Variants in MIA2 observed in about 807,000 individuals in gnomAD.
The protein encoded by MIA2 is melanoma inhibitory activity protein 2.
A neutral mutation model predicts 167.8 loss-of-function variants in MIA2; 127 were observed. The observed-to-expected ratio is 0.76, with a 90% CI of 0.66 to 0.88. MIA2 has a LOEUF of 0.88. Ranked by LOEUF, MIA2 falls within the 40% of genes least tolerant of loss-of-function variation. The pLI is 0.00. For missense variants in MIA2, 1,690 were observed against 1,624.7 expected (o/e 1.04, Z -0.69); for synonymous variants, 552 against 541.9 (o/e 1.02, Z -0.26).
At chr14:39,235,180 C>T (rs544595988) in intron 1 of MIA2, among the ~76,000 whole-genome samples, 3 of 151,888 alleles carry the variant, frequency 2.0e-5, no homozygotes, top group South Asian at 2.1e-4. Context: ...GGATTATAGG[C>T]GCACGCCACC....
intron 1 of MIA2, among the ~76,000 whole-genome samples, chr14:39,235,198 G>C (rs1406165828): frequency 6.6e-6 from 1 of 151,910 alleles, no homozygotes; most frequent in Non-Finnish European, 1.5e-5. Context: ...ACCACACCTG[G>C]TTAATTTTTT....
intron 6 of MIA2, chr14:39,266,547 C>A (rs994831216): frequency 1.0e-6 from 1 of 985,394 alleles, no homozygotes; most frequent in African/African-American, 1.7e-5. Flanking sequence ...GAAACCAGAT[C>A]GAGGTTCTCT....
chr14:39,262,861 A>T (rs982672400), intron 6 of MIA2, among the ~76,000 whole-genome samples: 17 of 152,032 alleles, frequency 1.1e-4, no homozygotes, highest in African/African-American at 4.1e-4. Context: ...TTGCACATTG[A>T]TTTTGTATCC....
chr14:39,324,587 C>G (rs1245955658), intron 24 of MIA2, among the ~76,000 whole-genome samples: 3 of 151,780 alleles, frequency 2.0e-5, no homozygotes, highest in Admixed American at 6.6e-5. Context: ...ATAGAGTAAG[C>G]ATTTTTGTTA....
chr14:39,353,931 A>G (rs980960149), downstream of MIA2, among the ~76,000 whole-genome samples: 1 of 152,188 alleles, frequency 6.6e-6, no homozygotes, highest in Non-Finnish European at 1.5e-5. Flanking sequence ...TCCATGGTGT[A>G]TATGTGCCAC....
At chr14:39,333,982 T>G (rs2069606153) in intron 25 of MIA2, among the ~76,000 whole-genome samples, 1 of 152,138 alleles carries the variant, frequency 6.6e-6, no homozygotes, top group Non-Finnish European at 1.5e-5. Context: ...TAGACAAGGG[T>G]AATTCTACAG....
intron 6 of MIA2, chr14:39,276,361 T>G (rs1241549103): frequency 2.0e-5 from 3 of 152,320 alleles, no homozygotes; most frequent in Non-Finnish European, 4.4e-5. Flanking sequence ...GTCTGGCATG[T>G]TCAAACAGCA....
chr14:39,258,850 G>A (rs1040332513), intron 6 of MIA2, among the ~76,000 whole-genome samples: 2 of 152,166 alleles, frequency 1.3e-5, no homozygotes, highest in African/African-American at 4.8e-5. Flanking sequence ...TCTTCTGCAG[G>A]TCTGCTGCAG....
At chr14:39,284,980 T>C (rs1166461508) in intron 9 of MIA2, among the ~76,000 whole-genome samples, 1 of 152,182 alleles carries the variant, frequency 6.6e-6, no homozygotes, top group Admixed American at 6.5e-5. Context: ...TTCAAGCATC[T>C]GTTTAGCAAA....
Position 39,279,021 on chromosome 14 carries a change from C to G in MIA2, c.2020-316C>G, listed in dbSNP as rs1466431314. ...ACTAAAAATATGAAAATTGGCTAGG[C>G]ATGGTGGTGGGCACCTGTAATCCCA... On this transcript the variant is annotated intron_variant, in intron 7 of 28. Coordinates refer to ENST00000640607, the MANE Select transcript of MIA2 (RefSeq NM_001329214.4). 7.9e-5 allele frequency among the ~76,000 whole-genome samples: 12 copies of G among 151,962 alleles called. No individual in the cohort carries two copies. In the South Asian group the frequency reaches 1.5e-3, roughly 18 times the overall value.
At chr14:39,261,967 T>C (rs1461785392) in intron 6 of MIA2, among the ~76,000 whole-genome samples, 1 of 152,190 alleles carries the variant, frequency 6.6e-6, no homozygotes, top group Middle Eastern at 3.2e-3. Context: ...GGTAGTTTCT[T>C]TTGCTGTGCA....
At chr14:39,332,809 C>T (rs1480958209) in intron 25 of MIA2, among the ~76,000 whole-genome samples, 1 of 152,140 alleles carries the variant, frequency 6.6e-6, no homozygotes, top group Non-Finnish European at 1.5e-5. Context: ...ATGAAGACAT[C>T]ACCCGCCTTC....
intron 23 of MIA2, among the ~76,000 whole-genome samples, chr14:39,384,166 C>A (rs2075223996): frequency 6.6e-6 from 1 of 152,140 alleles, no homozygotes; most frequent in African/African-American, 2.4e-5. Flanking sequence ...GAGGTTAATG[C>A]AACTGGTCAC....
At chr14:39,272,275 C>A (rs1040071520) in intron 6 of MIA2, among the ~76,000 whole-genome samples, 8 of 152,070 alleles carry the variant, frequency 5.3e-5, no homozygotes, top group Non-Finnish European at 1.2e-4. Context: ...TCGCTTGAAC[C>A]CGGGAGGCGG....
intron 25 of MIA2, among the ~76,000 whole-genome samples, chr14:39,342,842 A>C (rs948472012): frequency 3.3e-5 from 5 of 152,162 alleles, no homozygotes; most frequent in Admixed American, 3.3e-4. Flanking sequence ...TTTCAGTTCT[A>C]ATAATGATTA....
chr14:39,302,397 C>T, intron 15 of MIA2, 148 bp downstream of exon 15: 1 of 907,702 alleles, frequency 1.1e-6, no homozygotes. Context: ...CTCACCATCC[C>T]TTATAGTTTT....
Position 39,302,254 on chromosome 14 carries a change from T to G in MIA2, c.2740+5T>G. 1 of 1,613,362 alleles carries G rather than the reference T, an allele frequency of 6.2e-7. No homozygotes were observed. Among genetic ancestry groups the G allele is most frequent in the Non-Finnish European group, 8.5e-7 (1 of 1,179,508 alleles). On this transcript the variant is annotated splice_donor_5th_base_variant and intron_variant, in intron 15 of 28. Transcript: ENST00000640607. Reference sequence around the variant, plus strand: ...CGGAAAATGGTGCTTACTTAGGTATTAAGTCATGACTCATCTCCTTTTGCT... The same window carrying G: ...CGGAAAATGGTGCTTACTTAGGTATGAAGTCATGACTCATCTCCTTTTGCT...
chr14:39,309,582 C>A (rs2063876884), intron 18 of MIA2, among the ~76,000 whole-genome samples: 1 of 152,168 alleles, frequency 6.6e-6, no homozygotes, highest in Admixed American at 6.5e-5. Context: ...CTCAAAGAAT[C>A]CTTCCCTGGC....
intron 7 of MIA2, 145 bp downstream of exon 7, chr14:39,277,210 T>C: frequency 9.0e-7 from 1 of 1,109,994 alleles, no homozygotes. Flanking sequence ...TTTTTGTTTT[T>C]TTTAAAAGAG....
Sources: gnomAD v4.1 joint callset for allele counts (sites outside exome capture counted in the v4.1 genomes callset) on GRCh38, gnomAD v4.1.1 for gene constraint, MANE v1.5 for transcripts, NCBI Gene and HGNC (gene_info 2026-07-23, HGNC 2026-07-21) for gene names.